R3HDM1: variants seen among roughly 807,000 people sequenced by gnomAD.
The protein encoded by R3HDM1 is R3H domain containing 1.
R3HDM1 carries 46 observed loss-of-function variants against 141.1 expected under a neutral mutation model. The observed-to-expected ratio is 0.33, with a 90% confidence interval of 0.26 to 0.42. R3HDM1 has a LOEUF of 0.42. Among genes scored for constraint, R3HDM1 ranks in the 10% least tolerant of loss-of-function variants. The pLI is 1.00. For missense variants in R3HDM1, 1,184 were observed against 1,368.3 expected (o/e 0.87, Z 2.12); for synonymous variants, 435 against 472.9 (o/e 0.92, Z 1.04).
In R3HDM1 at chr2:135,535,499, A is replaced by AAAATAAATAAAT. The variant is rs3050151; in HGVS notation, c.-250+3900_-250+3911dup. On this transcript the variant is annotated intron_variant, in intron 1 of 26. Coordinates refer to ENST00000683871, the MANE Select transcript of R3HDM1 (RefSeq NM_001378107.1). ...GGCGACAGAGCAAGACTTTGTCTCA[A>AAAATAAATAAAT]AAATAAATAAATAAATAAATAAATA... Among the ~76,000 whole-genome samples the AAAATAAATAAAT allele has an allele frequency of 2.2e-3, 321 of 143,842 alleles. 2 individuals carry two copies. Among genetic ancestry groups the AAAATAAATAAAT allele is most frequent in the African/African-American group, 5.8e-3 (217 of 37,464 alleles). The allele number at this position is 143,842 out of a possible 152,430, so 94.4% of individuals were successfully genotyped here. A position where few individuals can be genotyped will look rare whatever the true frequency, so the allele number is the denominator to read the frequency against.
chr2:135,705,988 G>T (rs2074855138), intron 21 of R3HDM1, among the ~76,000 whole-genome samples: 1 of 152,032 alleles, frequency 6.6e-6, no homozygotes, highest in Non-Finnish European at 1.5e-5. Context: ...AATTAGCCGG[G>T]CGTGGTGGCG....
intron 21 of R3HDM1, among the ~76,000 whole-genome samples, chr2:135,699,010 G>GATAA (rs2073737249): frequency 8.8e-6 from 1 of 113,980 alleles, no homozygotes; most frequent in Non-Finnish European, 2.1e-5. Flanking sequence ...TAGATAGATA[G>GATAA]ATAGATAGAT....
chr2:135,594,716 A>C (rs1483752638), intron 1 of R3HDM1, among the ~76,000 whole-genome samples: 3 of 151,624 alleles, frequency 2.0e-5, no homozygotes, highest in East Asian at 1.9e-4. Context: ...AGGCTTATTC[A>C]CCAGTTTGTA....
intron 1 of R3HDM1, among the ~76,000 whole-genome samples, chr2:135,559,815 A>C (rs1366427043): frequency 6.6e-6 from 1 of 152,244 alleles, no homozygotes; most frequent in Non-Finnish European, 1.5e-5. Context: ...TGGAATGTGG[A>C]GCTGACTATA....
chr2:135,633,425 C>T (rs1196933938), intron 9 of R3HDM1, among the ~76,000 whole-genome samples: 1 of 152,096 alleles, frequency 6.6e-6, no homozygotes, highest in African/African-American at 2.4e-5. Flanking sequence ...ACAGTGTAAC[C>T]TCAGTTATTT....
chr2:135,590,607 A>G (rs1391782158), intron 1 of R3HDM1: 3 of 985,266 alleles, frequency 3.0e-6, no homozygotes, highest in Non-Finnish European at 3.6e-6. Context: ...AAGTTGAGCC[A>G]ATTAAATTGG....
At chr2:135,717,934 A>C (rs1187504987) in intron 24 of R3HDM1, among the ~76,000 whole-genome samples, 1 of 152,210 alleles carries the variant, frequency 6.6e-6, no homozygotes, top group Non-Finnish European at 1.5e-5. Context: ...CATGACCAAC[A>C]TGTCCATCAA....
At chr2:135,536,194 C>T (rs1696069074) in intron 1 of R3HDM1, among the ~76,000 whole-genome samples, 1 of 152,126 alleles carries the variant, frequency 6.6e-6, no homozygotes, top group Non-Finnish European at 1.5e-5. Flanking sequence ...GACTGGAGTG[C>T]AGCGACAGGA....
intron 1 of R3HDM1, among the ~76,000 whole-genome samples, chr2:135,585,574 CAT>C (rs1707709240): frequency 6.6e-6 from 1 of 152,238 alleles, no homozygotes; most frequent in Non-Finnish European, 1.5e-5. Context: ...ATCCAGAAAA[CAT>C]ACTCATCTGG....
intron 1 of R3HDM1, among the ~76,000 whole-genome samples, chr2:135,572,689 C>G (rs1238254024): frequency 6.6e-6 from 1 of 152,094 alleles, no homozygotes; most frequent in African/African-American, 2.4e-5. Flanking sequence ...CGTGTTCTCA[C>G]AAAAATTTGC....
chr2:135,667,061 A>T, intron 19 of R3HDM1: 3 of 878,630 alleles, frequency 3.4e-6, no homozygotes, highest in Non-Finnish European at 4.1e-6. Flanking sequence ...ACTTTTTGTA[A>T]TTTTTCTGAT....
intron 1 of R3HDM1, among the ~76,000 whole-genome samples, chr2:135,541,209 T>C (rs1697406535): frequency 6.6e-6 from 1 of 150,662 alleles, no homozygotes; most frequent in South Asian, 2.1e-4. Flanking sequence ...ATTAGCTTCT[T>C]TTTTTTTTGG....
chr2:135,577,685 A>G (rs1705775300), intron 1 of R3HDM1, among the ~76,000 whole-genome samples: 1 of 151,962 alleles, frequency 6.6e-6, no homozygotes. Flanking sequence ...TAAAAATACA[A>G]AAATTAGCCA....
chr2:135,537,998 C>T (rs1242007238), intron 1 of R3HDM1, among the ~76,000 whole-genome samples: 1 of 152,140 alleles, frequency 6.6e-6, no homozygotes, highest in African/African-American at 2.4e-5. Context: ...AAACTGCAGT[C>T]ACACCTTGTT....
intron 3 of R3HDM1, among the ~76,000 whole-genome samples, chr2:135,609,595 G>GA (rs1354426830): frequency 6.6e-6 from 1 of 152,166 alleles, no homozygotes; most frequent in Non-Finnish European, 1.5e-5. Flanking sequence ...TCTAAATCCA[G>GA]AAAAATGTAT....
chr2:135,719,267 C>T (rs1364089045), intron 24 of R3HDM1, among the ~76,000 whole-genome samples: 4 of 151,902 alleles, frequency 2.6e-5, no homozygotes, highest in African/African-American at 9.7e-5. Context: ...ACACCTAGCC[C>T]AGCCTATTAG....
chr2:135,724,503 A>AGAG lies in R3HDM1; in HGVS notation c.*212_*214dup, dbSNP rs1491545610. 16 of 454,420 alleles carry AGAG rather than the reference A, an allele frequency of 3.5e-5. No homozygotes were observed. Among genetic ancestry groups the AGAG allele is most frequent in the Non-Finnish European group, 5.4e-5 (14 of 259,470 alleles). The allele number at this position is 454,420 out of a possible 1,614,324, so 28.1% of individuals were successfully genotyped here. A position where few individuals can be genotyped will look rare whatever the true frequency, so the allele number is the denominator to read the frequency against. On this transcript the variant is annotated 3_prime_UTR_variant, in exon 27 of 27. Transcript: ENST00000683871. ...CTAGGAATCCACATCAGAATGATAC[A>AGAG]GAGTTAGCAGGTTTTTCTAAGGAAA...
At position 135,725,262 on chromosome 2, in the gene R3HDM1, C is replaced by G. The variant is rs2077039127; in HGVS notation, c.*970C>G. 1 of 150,792 alleles carries G rather than the reference C, an allele frequency of 6.6e-6. No homozygotes were observed. The highest frequency in any genetic ancestry group is 2.1e-4 in the South Asian group (1 of 4,832). The allele number at this position is 150,792 out of a possible 1,614,324, so 9.3% of individuals were successfully genotyped here. Reference sequence around the variant, plus strand: ...TTCAGTTCAAGAGAATAAATGTTTACAAATATAGGCTCACTTTGTCTTTTT... The same window carrying G: ...TTCAGTTCAAGAGAATAAATGTTTAGAAATATAGGCTCACTTTGTCTTTTT... On this transcript the variant is annotated 3_prime_UTR_variant, in exon 27 of 27. Coordinates refer to ENST00000683871, the MANE Select transcript of R3HDM1 (RefSeq NM_001378107.1).
At chr2:135,654,684 A>G (rs2065581914) in intron 18 of R3HDM1, among the ~76,000 whole-genome samples, 1 of 152,032 alleles carries the variant, frequency 6.6e-6, no homozygotes, top group Non-Finnish European at 1.5e-5. Flanking sequence ...CCTGACCGCA[A>G]GTGATCCTCC....
Sources: allele counts gnomAD v4.1 joint callset (sites outside exome capture counted in the v4.1 genomes callset), GRCh38; gene constraint gnomAD v4.1.1; transcripts MANE v1.5; gene names NCBI Gene and HGNC (gene_info 2026-07-23, HGNC 2026-07-21).